Variants in MRRF observed in about 807,000 individuals in gnomAD.
MRRF encodes the protein mitochondrial ribosome recycling factor.
Under a neutral mutation model 25.1 loss-of-function variants are expected in MRRF, and 18 were observed. That is an observed-to-expected ratio of 0.72 (90% confidence interval 0.50 to 1.06). MRRF has a LOEUF of 1.06. Ranked by LOEUF, MRRF falls within the 50% of genes least tolerant of loss-of-function variation. The pLI is 0.00. For missense variants in MRRF, 323 were observed against 319.3 expected (o/e 1.01, Z -0.09); for synonymous variants, 113 against 112.1 (o/e 1.01, Z -0.05).
At chr9:122,266,889 C>T (rs910506827) in intron 1 of MRRF, among the ~76,000 whole-genome samples, 7 of 151,914 alleles carry the variant, frequency 4.6e-5, no homozygotes, top group Non-Finnish European at 7.4e-5. Context: ...CTGGCTAACA[C>T]GGTGAAACCC....
At chr9:122,306,424 G>T (rs1309480759) in intron 5 of MRRF, among the ~76,000 whole-genome samples, 1 of 152,136 alleles carries the variant, frequency 6.6e-6, no homozygotes, top group Non-Finnish European at 1.5e-5. Context: ...TGAAGTAAAT[G>T]GTATTATACA....
rs543104872 is a variant in MRRF at position 122,281,921 on chromosome 9, G to A, written c.340+1323G>A. ...AGGATTTGATGCATTATGTCGATAC[G>A]GATTTAGGAATGGTAACCACCACAA... is the stretch of plus-strand genomic sequence containing the variant. On this transcript the variant is annotated intron_variant, in intron 3 of 6. Coordinates refer to ENST00000344641, the MANE Select transcript of MRRF (RefSeq NM_138777.5). Among the ~76,000 whole-genome samples, 74 of 152,244 alleles carry A rather than the reference G, an allele frequency of 4.9e-4. 1 individual carries two copies. In the South Asian group the frequency reaches 8.7e-3, roughly 18 times the overall value.
At chr9:122,317,000 C>G (rs936178298) in intron 6 of MRRF, among the ~76,000 whole-genome samples, 1 of 151,326 alleles carries the variant, frequency 6.6e-6, no homozygotes, top group Non-Finnish European at 1.5e-5. Flanking sequence ...GTGTGCTGTT[C>G]ACTTTCATAA....
Position 122,329,591 on chromosome 9 carries a change from A to G in MRRF, c.*6974A>G, listed in dbSNP as rs1267570611. The G allele has an allele frequency of 1.3e-5, 2 of 152,284 alleles. No homozygotes were observed. The highest frequency in any genetic ancestry group is 3.9e-4 in the East Asian group (2 of 5,178). 9.4% of individuals were successfully genotyped at this position (152,284 alleles called of 1,614,324 possible). A position where few individuals can be genotyped will look rare whatever the true frequency, so the allele number is the denominator to read the frequency against. On this transcript the variant is annotated 3_prime_UTR_variant, in exon 7 of 7. Transcript: ENST00000344641. ...TCACCATCCACCCAGGTGCCAAGCCAGGACACTGGGAGCCACTTTTGCCTC... is the reference window on the plus strand; with the variant it reads ...TCACCATCCACCCAGGTGCCAAGCCGGGACACTGGGAGCCACTTTTGCCTC...
chr9:122,291,986 T>C (rs1833803333), intron 5 of MRRF, 146 bp downstream of exon 5: 2 of 723,900 alleles, frequency 2.8e-6, no homozygotes, highest in East Asian at 5.1e-5. Context: ...GAGATCACTT[T>C]ACTGATTCAG....
chr9:122,307,273 A>T (rs1834908831), intron 5 of MRRF, among the ~76,000 whole-genome samples: 1 of 152,306 alleles, frequency 6.6e-6, no homozygotes, highest in Admixed American at 6.5e-5. Context: ...GGTTTCTGTC[A>T]GTGGCAATGT....
intron 4 of MRRF, among the ~76,000 whole-genome samples, chr9:122,289,795 A>G (rs113240571): frequency 0.012 from 1,861 of 152,178 alleles, 29 homozygotes; most frequent in Non-Finnish European, 0.016. Flanking sequence ...TGGGAGGCTG[A>G]GGTGGGTGGA....
chr9:122,292,601 G>A (rs1833845704), intron 5 of MRRF, among the ~76,000 whole-genome samples: 1 of 152,178 alleles, frequency 6.6e-6, no homozygotes, highest in Non-Finnish European at 1.5e-5. Context: ...GGTTGGACTA[G>A]TCAGTAGAGG....
chr9:122,288,714 G>C (rs1833564912), intron 4 of MRRF, among the ~76,000 whole-genome samples: 1 of 152,226 alleles, frequency 6.6e-6, no homozygotes, highest in African/African-American at 2.4e-5. Flanking sequence ...TATGGCACTA[G>C]CAGAGTTGAC....
chr9:122,277,917 A>T (rs973320934), intron 2 of MRRF, among the ~76,000 whole-genome samples: 2 of 151,826 alleles, frequency 1.3e-5, no homozygotes, highest in East Asian at 1.9e-4. Flanking sequence ...ATATTTAAAA[A>T]TTTTTTTTAT....
At chr9:122,284,092 T>A (rs1266476059) in intron 3 of MRRF, among the ~76,000 whole-genome samples, 1 of 152,028 alleles carries the variant, frequency 6.6e-6, no homozygotes, top group Non-Finnish European at 1.5e-5. Context: ...TGTGTCAGAA[T>A]AATGTGGTGA....
intron 6 of MRRF, among the ~76,000 whole-genome samples, chr9:122,318,857 C>A (rs979119073): frequency 6.6e-6 from 1 of 152,176 alleles, no homozygotes; most frequent in African/African-American, 2.4e-5. Context: ...AGTGGGAGCA[C>A]AGGATTGATA....
At chr9:122,273,689 C>T (rs1161050992) in intron 2 of MRRF, among the ~76,000 whole-genome samples, 2 of 152,070 alleles carry the variant, frequency 1.3e-5, no homozygotes, top group Non-Finnish European at 2.9e-5. Context: ...CCAAACTTAC[C>T]ACATGTCCCT....
At chr9:122,288,756 T>C (rs1833566080) in intron 4 of MRRF, among the ~76,000 whole-genome samples, 1 of 152,266 alleles carries the variant, frequency 6.6e-6, no homozygotes, top group East Asian at 1.9e-4. Context: ...CTTGTTCACC[T>C]GTCTACAAAA....
intron 5 of MRRF, among the ~76,000 whole-genome samples, chr9:122,295,161 GC>G (rs1214471702): frequency 6.6e-6 from 1 of 152,164 alleles, no homozygotes; most frequent in Non-Finnish European, 1.5e-5. Context: ...TGCCATATAT[GC>G]TTATTGGGAG....
chr9:122,315,842 G>T (rs1378045016), intron 6 of MRRF, among the ~76,000 whole-genome samples: 1 of 152,094 alleles, frequency 6.6e-6, no homozygotes, highest in African/African-American at 2.4e-5. Context: ...CACAACTCCT[G>T]AAAGAGGAAG....
At chr9:122,265,917 C>T in intron 1 of MRRF, 1 of 444,996 alleles carries the variant, frequency 2.2e-6, no homozygotes, top group Non-Finnish European at 4.2e-6. Context: ...AAGTACCTTT[C>T]TTTACCTGGT....
intron 4 of MRRF, among the ~76,000 whole-genome samples, chr9:122,289,013 T>G (rs950117247): frequency 6.6e-6 from 1 of 152,162 alleles, no homozygotes; most frequent in Non-Finnish European, 1.5e-5. Context: ...AGATGGAAAG[T>G]CTATAGGAAT....
intron 4 of MRRF, 197 bp downstream of exon 4, chr9:122,285,484 A>G: frequency 1.7e-6 from 1 of 596,414 alleles, no homozygotes; most frequent in East Asian, 3.1e-5. Context: ...TACAGAGGCT[A>G]GGTAAGTTGT....
Sources: allele counts gnomAD v4.1 joint callset (sites outside exome capture counted in the v4.1 genomes callset), GRCh38; gene constraint gnomAD v4.1.1; transcripts MANE v1.5; gene names NCBI Gene and HGNC (gene_info 2026-07-23, HGNC 2026-07-21).